The following NCBP1 variants were observed in gnomAD, a reference collection of about 807,000 sequenced individuals.
NCBP1 encodes the protein nuclear cap binding protein subunit 1.
Under a neutral mutation model 111.7 loss-of-function variants are expected in NCBP1, and 16 were observed. The ratio of observed to expected loss-of-function variants is 0.14; its 90% CI spans 0.10 to 0.22. The LOEUF is 0.22. Ranked by LOEUF, NCBP1 falls within the 10% of genes least tolerant of loss-of-function variation. NCBP1 has a pLI of 1.00. For missense variants in NCBP1, 607 were observed against 957.5 expected (o/e 0.63, Z 4.83); for synonymous variants, 304 against 314.3 (o/e 0.97, Z 0.35).
At chr9:97,667,824 C>T (rs1188641409) in intron 20 of NCBP1, among the ~76,000 whole-genome samples, 1 of 152,148 alleles carries the variant, frequency 6.6e-6, no homozygotes, top group Admixed American at 6.5e-5. Flanking sequence ...TGGTTGCGGT[C>T]GTAACAGGCT....
intron 12 of NCBP1, 84 bp from the exon 13 acceptor site, chr9:97,655,618 C>G (rs1469123096): frequency 9.1e-7 from 1 of 1,100,806 alleles, no homozygotes; most frequent in Non-Finnish European, 1.3e-6. Flanking sequence ...CGGGTTTTAT[C>G]TGTTTGAAGG....
intron 10 of NCBP1, among the ~76,000 whole-genome samples, chr9:97,652,581 C>T (rs1384204027): frequency 6.6e-6 from 1 of 152,326 alleles, no homozygotes; most frequent in Admixed American, 6.5e-5. Context: ...AATTGTGCCT[C>T]TGCACTCCAG....
In NCBP1 at chr9:97,651,356, A is replaced by C; in HGVS notation, c.1042A>C (p.Asn348His). Residue 348 changes from asparagine (N) to histidine (H), a missense_variant, in exon 10 of 23, where the codon AAC becomes CAC. Physicochemically the swap from Asn to His is moderately conservative, Grantham distance 68 (BLOSUM62 1). Transcript: ENST00000375147. Reference protein sequence around the residue: ...SYPGKNKIPLNYHIVEVIFAE... With the variant: ...SYPGKNKIPLHYHIVEVIFAE... ...TCCAGGGAAGAACAAGATCCCCTTG[A>C]ACTACCACATAGTTGAGGTATGAAT... 6.2e-7 allele frequency: 1 copy of C among 1,613,456 alleles called. No homozygotes were observed.
chr9:97,669,255 C>A (rs1035148950), intron 21 of NCBP1, among the ~76,000 whole-genome samples: 2 of 151,628 alleles, frequency 1.3e-5, no homozygotes, highest in Non-Finnish European at 2.9e-5. Flanking sequence ...TTTAATTATT[C>A]CTCATTGCTG....
intron 6 of NCBP1, 88 bp from the exon 7 acceptor site, chr9:97,647,404 C>A: frequency 9.7e-7 from 1 of 1,029,290 alleles, no homozygotes; most frequent in Non-Finnish European, 1.5e-6. Context: ...TATTTCATTG[C>A]TTTAATTTGC....
chr9:97,647,232 T>C (rs1394801590), intron 6 of NCBP1, among the ~76,000 whole-genome samples: 1 of 152,188 alleles, frequency 6.6e-6, no homozygotes, highest in Non-Finnish European at 1.5e-5. Flanking sequence ...TTTTGATAGA[T>C]TTAGTCAAAT....
rs767681467 is a variant in NCBP1 at position 97,650,584 on chromosome 9, A to G, written c.979A>G (p.Lys327Glu). 1 of 1,612,532 alleles carries G rather than the reference A, an allele frequency of 6.2e-7. No homozygotes were observed. The highest frequency in any genetic ancestry group is 8.5e-7 in the Non-Finnish European group (1 of 1,179,052). ...TCACTGCATCATTAAGTCCCACTGG[A>G]AGGAAAGGAAGACTTGGTAAGATTC... is the stretch of plus-strand genomic sequence containing the variant. ...NLHCIIKSHW[K>E]ERKTCAAQLV... Residue 327 changes from lysine (K) to glutamate (E), a missense_variant, in exon 9 of 23, where the codon AAG becomes GAG. By Grantham distance (56) the Lys-to-Glu change is moderately conservative (BLOSUM62 1). This residue lies in a region of NCBP1 where 53 missense variants were observed against 144.8 expected (regional missense o/e 0.37). Coordinates refer to ENST00000375147, the MANE Select transcript of NCBP1 (RefSeq NM_002486.5).
At position 97,672,576 on chromosome 9, in the gene NCBP1, C is replaced by T. The variant is rs2131375334; in HGVS notation, c.*1377C>T. 6.6e-6 allele frequency: 1 copy of T among 152,258 alleles called. No homozygotes were observed. The highest frequency in any genetic ancestry group is 2.1e-4 in the South Asian group (1 of 4,808). 9.4% of individuals were successfully genotyped at this position (152,258 alleles called of 1,614,324 possible). ...TTTATACTGTTTATCTTTCCCATTG[C>T]TTAAGCACAGCACAAACTATGTAAT... is the stretch of plus-strand genomic sequence containing the variant. On this transcript the variant is annotated 3_prime_UTR_variant, in exon 23 of 23. Coordinates refer to ENST00000375147, the MANE Select transcript of NCBP1 (RefSeq NM_002486.5).
rs1827251789 is a variant in NCBP1 at position 97,643,363 on chromosome 9, AAGTT to A, written c.381+8_381+11del. ...ATTATAATGAAGCCGTGTATTTGGT[AAGTT>A]AGTTTGTTTGTTGGTATGTTATGAC... is the stretch of plus-strand genomic sequence containing the variant. On this transcript the variant is annotated splice_donor_5th_base_variant and intron_variant, in intron 4 of 22. Coordinates refer to ENST00000375147, the MANE Select transcript of NCBP1 (RefSeq NM_002486.5). 10 of 1,587,980 alleles carry A rather than the reference AAGTT, an allele frequency of 6.3e-6. No individual in the cohort carries two copies. The highest frequency in any genetic ancestry group is 1.4e-5 in the African/African-American group (1 of 73,278).
chr9:97,666,670 C>A, intron 19 of NCBP1, 93 bp from the exon 20 acceptor site: 1 of 757,636 alleles, frequency 1.3e-6, no homozygotes, highest in South Asian at 2.0e-5. Flanking sequence ...AAGGCTGTAT[C>A]AGCTGTTAAG....
chr9:97,657,885 GCTCTCTCTCT>G (rs3052096), intron 14 of NCBP1, among the ~76,000 whole-genome samples: 2 of 114,028 alleles, frequency 1.8e-5, no homozygotes, highest in Non-Finnish European at 3.4e-5. Context: ...GCCCCGGTAA[GCTCTCTCTCT>G]CTCTCTCTCT....
chr9:97,654,756 T>C, intron 11 of NCBP1, 124 bp from the exon 12 acceptor site: 1 of 842,318 alleles, frequency 1.2e-6, no homozygotes, highest in South Asian at 1.6e-5. Flanking sequence ...AGATTGATTG[T>C]GTGAAAAGAT....
intron 16 of NCBP1, 121 bp downstream of exon 16, chr9:97,661,189 ACTGTTGTTC>A: frequency 8.1e-7 from 1 of 1,235,402 alleles, no homozygotes; most frequent in Non-Finnish European, 1.1e-6. Context: ...ACCTGTTCAG[ACTGTTGTTC>A]TTAGCACCCC....
chr9:97,658,650 C>T lies in NCBP1; in HGVS notation c.1384C>T (p.His462Tyr), dbSNP rs775535487. Residue 462 changes from histidine (H) to tyrosine (Y), a missense_variant, in exon 15 of 23, where the codon CAT (histidine) becomes TAT (tyrosine). Transcript: ENST00000375147. The part of the protein sequence containing the change: ...VLEKCMRLSY[H>Y]QRILDIVPPT... ...TTATTTGTATTGTAGGTTGTCTTAC[C>T]ATCAGCGTATATTAGATATTGTTCC... 6.2e-7 allele frequency: 1 copy of T among 1,610,084 alleles called. No individual in the cohort carries two copies. Among genetic ancestry groups the T allele is most frequent in the South Asian group, 1.1e-5 (1 of 90,958 alleles).
At chr9:97,641,944 T>G (rs1343242023) in intron 3 of NCBP1, among the ~76,000 whole-genome samples, 2 of 152,128 alleles carry the variant, frequency 1.3e-5, no homozygotes, top group Non-Finnish European at 2.9e-5. Context: ...GATATATATT[T>G]TTAAGCATGT....
chr9:97,660,311 C>T lies in NCBP1; in HGVS notation c.1478-635C>T, dbSNP rs566402301. On this transcript the variant is annotated intron_variant, in intron 15 of 22. Coordinates refer to ENST00000375147, the MANE Select transcript of NCBP1 (RefSeq NM_002486.5). ...TACATTAAAAGCAGATTTCTTGTTG[C>T]TCTGGTGATGCCTTACGGTGTATAT... 2.0e-5 allele frequency among the ~76,000 whole-genome samples: 3 copies of T among 152,230 alleles called. No individual in the cohort carries two copies. The East Asian group carries it at 5.8e-4, about 29-fold the overall frequency.
intron 22 of NCBP1, 176 bp downstream of exon 22, chr9:97,669,882 G>T (rs533206117): frequency 9.6e-5 from 65 of 674,334 alleles, no homozygotes; most frequent in Admixed American, 8.5e-4. Flanking sequence ...AACTGATTCT[G>T]TACCACTTAG....
intron 11 of NCBP1, 117 bp downstream of exon 11, chr9:97,654,025 T>G (rs1454827142): frequency 2.6e-6 from 2 of 775,638 alleles, no homozygotes; most frequent in Non-Finnish European, 4.1e-6. Context: ...TTGAAGTGTG[T>G]TGTGTGTGTG....
chr9:97,658,181 A>G (rs1390678634), intron 14 of NCBP1, among the ~76,000 whole-genome samples: 1 of 152,058 alleles, frequency 6.6e-6, no homozygotes, highest in Non-Finnish European at 1.5e-5. Flanking sequence ...CCATCCATCC[A>G]TAACTGTTTT....
Sources: gnomAD v4.1 joint callset for allele counts (sites outside exome capture counted in the v4.1 genomes callset) on GRCh38, gnomAD v4.1.1 for gene constraint, gnomAD v4.1.1 regional missense constraint, MANE v1.5 for transcripts, NCBI Gene and HGNC (gene_info 2026-07-23, HGNC 2026-07-21) for gene names.